FBXW7: variants seen among roughly 807,000 people sequenced by gnomAD.
FBXW7 encodes the protein F-box and WD repeat domain containing 7, also known as F-box/WD repeat-containing protein 7.
A neutral mutation model predicts 86.3 loss-of-function variants in FBXW7; 11 were observed. That is an observed-to-expected ratio of 0.13 (90% confidence interval 0.08 to 0.21). FBXW7 has a LOEUF of 0.21. Ranked by LOEUF, FBXW7 falls within the 10% of genes least tolerant of loss-of-function variation. The pLI is 1.00. For missense variants in FBXW7, 488 were observed against 847.4 expected (o/e 0.58, Z 5.27); for synonymous variants, 313 against 297.9 (o/e 1.05, Z -0.52).
At chr4:152,326,260 C>T (rs754980041) in intron 11 of FBXW7, 29 bp from the exon 12 acceptor site, 59 of 1,523,724 alleles carry the variant, frequency 3.9e-5, no homozygotes, top group Non-Finnish European at 4.6e-5. Context: ...AAAAACAAAA[C>T]AAAACAAAAA....
chr4:152,367,482 T>C (rs1034483263), intron 4 of FBXW7, among the ~76,000 whole-genome samples: 1 of 152,026 alleles, frequency 6.6e-6, no homozygotes, highest in South Asian at 2.1e-4. Context: ...TACTAGTTAA[T>C]AAAAAAGGGC....
chr4:152,429,342 A>G (rs1340647203), intron 2 of FBXW7, among the ~76,000 whole-genome samples: 3 of 59,836 alleles, frequency 5.0e-5, no homozygotes, highest in Non-Finnish European at 9.0e-5. Flanking sequence ...ATCTCATTTG[A>G]TTTCTTTTAC....
At chr4:152,336,314 C>A (rs973780727) in intron 7 of FBXW7, among the ~76,000 whole-genome samples, 36 of 152,018 alleles carry the variant, frequency 2.4e-4, no homozygotes, top group Non-Finnish European at 1.5e-5. Context: ...GTTTTTAATT[C>A]TTAGATTTTT....
At chr4:152,337,734 A>C in intron 7 of FBXW7, 68 bp downstream of exon 7, 1 of 1,470,372 alleles carries the variant, frequency 6.8e-7, no homozygotes, top group Non-Finnish European at 9.2e-7. Flanking sequence ...GACAATGTTT[A>C]AAGGTGGTAG....
At chr4:152,432,503 T>A (rs1442026997) in intron 2 of FBXW7, among the ~76,000 whole-genome samples, 3 of 152,134 alleles carry the variant, frequency 2.0e-5, no homozygotes, top group Non-Finnish European at 4.4e-5. Context: ...TACAACACCT[T>A]AATCAAGACA....
At chr4:152,459,625 G>C (rs890234371) in intron 2 of FBXW7, among the ~76,000 whole-genome samples, 5 of 152,144 alleles carry the variant, frequency 3.3e-5, no homozygotes, top group African/African-American at 1.2e-4. Flanking sequence ...CTTATCCACA[G>C]AGCATATGTT....
At chr4:152,384,028 A>C (rs1362601557) in intron 4 of FBXW7, among the ~76,000 whole-genome samples, 1 of 152,166 alleles carries the variant, frequency 6.6e-6, no homozygotes, top group Non-Finnish European at 1.5e-5. Context: ...GTAAACAACA[A>C]GCATGGGCTA....
intron 12 of FBXW7, 87 bp downstream of exon 12, chr4:152,325,919 G>C: frequency 6.4e-6 from 7 of 1,096,824 alleles, no homozygotes; most frequent in Non-Finnish European, 9.7e-6. Context: ...GGACTGTACT[G>C]GATCAGCAAT....
chr4:152,404,774 T>C (rs895446403), intron 4 of FBXW7, among the ~76,000 whole-genome samples: 6 of 152,118 alleles, frequency 3.9e-5, no homozygotes, highest in Admixed American at 3.9e-4. Flanking sequence ...TTACAATTTC[T>C]AGTCTAGCTT....
intron 2 of FBXW7, among the ~76,000 whole-genome samples, chr4:152,432,278 G>A (rs988858187): frequency 2.6e-5 from 4 of 152,190 alleles, no homozygotes; most frequent in African/African-American, 7.2e-5. Context: ...GCTTTCTAAC[G>A]TGAGCATACC....
At chr4:152,404,278 A>G (rs1370124405) in intron 4 of FBXW7, among the ~76,000 whole-genome samples, 1 of 152,234 alleles carries the variant, frequency 6.6e-6, no homozygotes, top group Non-Finnish European at 1.5e-5. Flanking sequence ...ACCACATAGA[A>G]TAATAATTGG....
chr4:152,510,557 G>A (rs1747867782), intron 2 of FBXW7, among the ~76,000 whole-genome samples: 1 of 152,158 alleles, frequency 6.6e-6, no homozygotes, highest in Non-Finnish European at 1.5e-5. Flanking sequence ...ATATGAAACA[G>A]TACCACAGAT....
chr4:152,411,630 T>C lies in FBXW7; in HGVS notation c.174A>G (p.Glu58=), dbSNP rs2126880795. 3 of 1,614,030 alleles carry C rather than the reference T, an allele frequency of 1.9e-6. No homozygotes were observed. The highest frequency in any genetic ancestry group is 2.5e-6 in the Non-Finnish European group (3 of 1,179,920). ...QEEEHTARNG[E]VVGVEPRPGG... Reference sequence around the variant, plus strand: ...CAGGTCTAGGTTCTACTCCAACAACTTCACCATTCCTTGCAGTGTGCTCCT... The same window carrying C: ...CAGGTCTAGGTTCTACTCCAACAACCTCACCATTCCTTGCAGTGTGCTCCT... Residue 58 remains glutamate (E), a synonymous_variant, in exon 4 of 14, where the codon GAA becomes GAG. Transcript: ENST00000281708.
intron 2 of FBXW7, among the ~76,000 whole-genome samples, chr4:152,427,887 T>C (rs1739528513): frequency 6.6e-6 from 1 of 152,210 alleles, no homozygotes; most frequent in South Asian, 2.1e-4. Context: ...ATTAACTTCT[T>C]AACATGTATT....
At chr4:152,448,106 A>G (rs572844531) in intron 2 of FBXW7, among the ~76,000 whole-genome samples, 1 of 152,342 alleles carries the variant, frequency 6.6e-6, no homozygotes, top group Admixed American at 6.5e-5. Flanking sequence ...AAACTAATCT[A>G]ATCTTTAAAA....
rs1462005557 is a variant in FBXW7 at position 152,329,552 on chromosome 4, T to TA, written c.1236+119dup. ...AAAAAAGCTAAGTTATGAGCTCTGATATTTGCTATCCAAATAACTAAGAAT... is the reference window on the plus strand; with the variant it reads ...AAAAAAGCTAAGTTATGAGCTCTGATAATTTGCTATCCAAATAACTAAGAAT... On this transcript the variant is annotated intron_variant, in intron 10 of 13. Transcript: ENST00000281708. 43 of 506,828 alleles carry TA rather than the reference T, an allele frequency of 8.5e-5. No homozygotes were observed. The East Asian group carries it at 1.4e-3, about 16-fold the overall frequency. The allele number at this position is 506,828 out of a possible 1,614,324, so 31.4% of individuals were successfully genotyped here.
chr4:152,426,443 G>A (rs567355224), intron 2 of FBXW7, among the ~76,000 whole-genome samples: 3 of 151,790 alleles, frequency 2.0e-5, no homozygotes, highest in Admixed American at 1.3e-4. Flanking sequence ...TCCGCCTCCC[G>A]GGTTCAAGCG....
chr4:152,533,051 G>A (rs897962070), intron 2 of FBXW7, among the ~76,000 whole-genome samples: 2 of 152,152 alleles, frequency 1.3e-5, no homozygotes, highest in East Asian at 1.9e-4. Context: ...TTAGCCAGGC[G>A]TGGTAGCACA....
intron 2 of FBXW7, among the ~76,000 whole-genome samples, chr4:152,495,764 C>T (rs1299189273): frequency 6.6e-6 from 1 of 152,118 alleles, no homozygotes; most frequent in Non-Finnish European, 1.5e-5. Flanking sequence ...AGTGGTCCTA[C>T]ATAGGTCAAT....
Sources: allele counts gnomAD v4.1 joint callset (sites outside exome capture counted in the v4.1 genomes callset), GRCh38; gene constraint gnomAD v4.1.1; transcripts MANE v1.5; gene names NCBI Gene and HGNC (gene_info 2026-07-23, HGNC 2026-07-21).